The following PICALM variants were observed in gnomAD, a reference collection of about 807,000 sequenced individuals.
The protein encoded by PICALM is phosphatidylinositol binding clathrin assembly protein.
A neutral mutation model predicts 80.5 loss-of-function variants in PICALM; 40 were observed. The ratio of observed to expected loss-of-function variants is 0.50; its 90% CI spans 0.39 to 0.65. The LOEUF is 0.65. Among genes scored for constraint, PICALM ranks in the 30% least tolerant of loss-of-function variants. The pLI is 0.00. For synonymous variants in PICALM, 288 were observed against 260.3 expected (o/e 1.11, Z -1.02); for missense variants, 676 against 778.9 (o/e 0.87, Z 1.57).
At chr11:86,003,957 T>C (rs1220472541) in intron 8 of PICALM, among the ~76,000 whole-genome samples, 1 of 152,216 alleles carries the variant, frequency 6.6e-6, no homozygotes, top group Non-Finnish European at 1.5e-5. Flanking sequence ...TATCAAATGT[T>C]GGTGAGCATA....
upstream of PICALM, chr11:86,069,088 G>A (rs370347716): frequency 1.1e-3 from 362 of 320,478 alleles, 9 homozygotes; most frequent in South Asian, 0.021. Flanking sequence ...AAATGGCGGC[G>A]CCAGGCTCCT....
chr11:86,068,860 C>A lies in PICALM; in HGVS notation c.-80G>T. ...CCCAAGAGCCGGAGGGTCCCCACCC[C>A]CCACCGCACCCCCTACCCCCACCGG... On this transcript the variant is annotated 5_prime_UTR_variant, in exon 1 of 20. Transcript: ENST00000393346. 2 of 1,471,450 alleles carry A rather than the reference C, an allele frequency of 1.4e-6. No homozygotes were observed. Among genetic ancestry groups the A allele is most frequent in the South Asian group, 2.7e-5 (2 of 74,688 alleles). 91.1% of individuals were successfully genotyped at this position (1,471,450 alleles called of 1,614,324 possible).
At chr11:86,048,005 G>A (rs1023048984) in intron 1 of PICALM, among the ~76,000 whole-genome samples, 2 of 152,056 alleles carry the variant, frequency 1.3e-5, no homozygotes, top group African/African-American at 2.4e-5. Context: ...GGAGGCTGAC[G>A]CAGGAGAATC....
At chr11:86,041,514 G>A (rs1565521900) in intron 1 of PICALM, among the ~76,000 whole-genome samples, 2 of 151,708 alleles carry the variant, frequency 1.3e-5, no homozygotes, top group Non-Finnish European at 2.9e-5. Flanking sequence ...GCAGAGGAAA[G>A]ATGAGGAACT....
intron 12 of PICALM, among the ~76,000 whole-genome samples, chr11:85,992,738 T>G (rs1242366479): frequency 6.6e-6 from 1 of 152,096 alleles, no homozygotes; most frequent in African/African-American, 2.4e-5. Context: ...CTGTAACAGA[T>G]CCATTGGTTT....
intron 9 of PICALM, 30 bp downstream of exon 9, chr11:86,003,336 T>A: frequency 7.3e-7 from 1 of 1,370,584 alleles, no homozygotes. Flanking sequence ...AAAATCACTC[T>A]GGCTTTTTGG....
chr11:85,974,491 AT>A lies in PICALM; in HGVS notation c.1944+216del, dbSNP rs1277818815. On this transcript the variant is annotated intron_variant, in intron 19 of 19. Transcript: ENST00000393346. ...ATCTACCAACTATAAGTTACCAAGAATTTTCTGTCTTTAGTATTTGCTATCT... is the reference window on the plus strand; with the variant it reads ...ATCTACCAACTATAAGTTACCAAGAATTTCTGTCTTTAGTATTTGCTATCT... 4.5e-6 allele frequency: 3 copies of A among 662,848 alleles called. No individual in the cohort carries two copies. In the African/African-American group the frequency reaches 5.3e-5, roughly 12 times the overall value. The allele number at this position is 662,848 out of a possible 1,614,324, so 41.1% of individuals were successfully genotyped here. A position where few individuals can be genotyped will look rare whatever the true frequency, so the allele number is the denominator to read the frequency against.
chr11:86,032,332 G>A (rs1406082474), intron 1 of PICALM, among the ~76,000 whole-genome samples: 3 of 152,124 alleles, frequency 2.0e-5, no homozygotes, highest in African/African-American at 4.8e-5. Flanking sequence ...TGAAGAAAAT[G>A]TAAAATAGGT....
chr11:86,066,458 T>C (rs1421469905), intron 1 of PICALM, among the ~76,000 whole-genome samples: 1 of 152,084 alleles, frequency 6.6e-6, no homozygotes, highest in Non-Finnish European at 1.5e-5. Flanking sequence ...GAACGACAAA[T>C]GCAAGATTAT....
In PICALM at chr11:85,986,365, A is replaced by ATTTTTTTTTTTTTTTTTTT. The variant is rs775072780; in HGVS notation, c.1409-2411_1409-2393dup. Among the ~76,000 whole-genome samples, 14 of 73,746 alleles carry ATTTTTTTTTTTTTTTTTTT rather than the reference A, an allele frequency of 1.9e-4. 1 individual carries two copies. Among genetic ancestry groups the ATTTTTTTTTTTTTTTTTTT allele is most frequent in the South Asian group, 6.2e-4 (1 of 1,624 alleles). 48.4% of individuals were successfully genotyped at this position (73,746 alleles called of 152,430 possible). ...AAACTATCAGGACTGCCAACTTTTA[A>ATTTTTTTTTTTTTTTTTTT]TTTTTTTTTTTTTTTTTTTTTTTTT... On this transcript the variant is annotated intron_variant, in intron 13 of 19. Coordinates refer to ENST00000393346, the MANE Select transcript of PICALM (RefSeq NM_007166.4).
Position 85,990,310 on chromosome 11 carries a change from A to C in PICALM, c.1348T>G (p.Ser450Ala). The C allele has an allele frequency of 6.2e-7, 1 of 1,605,360 alleles. No homozygotes were observed. Among genetic ancestry groups the C allele is most frequent in the South Asian group, 1.1e-5 (1 of 90,782 alleles). The change falls in exon 13 of 20, where the codon TCC becomes GCC. Residue 450 changes from serine to alanine, a missense_variant. Physicochemically the swap from Ser to Ala is moderately conservative, Grantham distance 99. Coordinates refer to ENST00000393346, the MANE Select transcript of PICALM (RefSeq NM_007166.4). Reference sequence around the variant, plus strand: ...AAAGTAGATACATCTGAAGAAATGGAAAGGTGAACATCACCACTACTTTTT... The same window carrying C: ...AAAGTAGATACATCTGAAGAAATGGCAAGGTGAACATCACCACTACTTTTT... ...LTKSSGDVHL[S>A]ISSDVSTFTT...
At chr11:86,063,194 ACAAT>A (rs1315718313) in intron 1 of PICALM, among the ~76,000 whole-genome samples, 5 of 152,356 alleles carry the variant, frequency 3.3e-5, no homozygotes, top group Admixed American at 1.3e-4. Context: ...TTATTTTTAA[ACAAT>A]CAGTGTTTTT....
chr11:85,959,930 A>G (rs1257681545), intron 19 of PICALM, among the ~76,000 whole-genome samples: 11 of 152,180 alleles, frequency 7.2e-5, no homozygotes, highest in Admixed American at 6.5e-5. Context: ...GGAGGAAAAG[A>G]AAGAAGATCA....
chr11:86,068,274 G>A (rs1013463411), intron 1 of PICALM, among the ~76,000 whole-genome samples: 4 of 152,198 alleles, frequency 2.6e-5, no homozygotes, highest in South Asian at 4.1e-4. Flanking sequence ...TCAGACGAGG[G>A]CGACGAGGCG....
rs576719311 is a variant in PICALM, at chr11:85,974,593, T to C, written c.1944+115A>G. The C allele has an allele frequency of 1.6e-5, 12 of 756,492 alleles. No homozygotes were observed. The East Asian group carries it at 2.7e-4, about 17-fold the overall frequency. 46.9% of individuals were successfully genotyped at this position (756,492 alleles called of 1,614,324 possible). On this transcript the variant is annotated intron_variant, in intron 19 of 19. Coordinates refer to ENST00000393346, the MANE Select transcript of PICALM (RefSeq NM_007166.4). ...AAAGATATGAAGCAAGCAATATCCA[T>C]AATGAAGGTAGAAAGTGCTAGTAAC...
At chr11:86,030,783 T>C (rs889443425) in intron 2 of PICALM, among the ~76,000 whole-genome samples, 1 of 152,172 alleles carries the variant, frequency 6.6e-6, no homozygotes, top group African/African-American at 2.4e-5. Flanking sequence ...AGCTTTGAAG[T>C]AGGCAAAGTG....
At chr11:85,993,455 T>C (rs1326645623) in intron 12 of PICALM, among the ~76,000 whole-genome samples, 1 of 152,142 alleles carries the variant, frequency 6.6e-6, no homozygotes, top group Non-Finnish European at 1.5e-5. Flanking sequence ...TTTCATTTTT[T>C]TGAGACAGAG....
intron 1 of PICALM, among the ~76,000 whole-genome samples, chr11:86,063,298 C>T (rs1593531350): frequency 6.6e-6 from 1 of 152,228 alleles, no homozygotes; most frequent in African/African-American, 2.4e-5. Context: ...TTTCACTTCT[C>T]ACCTGCCATA....
chr11:85,957,374 A>G lies in PICALM; in HGVS notation c.*1672T>C, dbSNP rs2093564348. On this transcript the variant is annotated 3_prime_UTR_variant, in exon 20 of 20. Transcript: ENST00000393346. The stretch of plus-strand genomic sequence containing the variant: ...ACAATCAAAGGTTTCTTTGGCAGAC[A>G]TAATTATATGTACCAAAACATTAAA... 6.6e-6 allele frequency among the ~76,000 whole-genome samples: 1 copy of G among 152,220 alleles called. No homozygotes were observed. The highest frequency in any genetic ancestry group is 2.4e-5 in the African/African-American group (1 of 41,462).
Sources: allele counts gnomAD v4.1 joint callset (sites outside exome capture counted in the v4.1 genomes callset), GRCh38; gene constraint gnomAD v4.1.1; transcripts MANE v1.5; gene names NCBI Gene and HGNC (gene_info 2026-07-23, HGNC 2026-07-21).